Variants in SLC30A7 observed in about 807,000 individuals in gnomAD.
The protein encoded by SLC30A7 is solute carrier family 30 member 7.
Under a neutral mutation model 46.0 loss-of-function variants are expected in SLC30A7, and 35 were observed. The ratio of observed to expected loss-of-function variants is 0.76; its 90% CI spans 0.58 to 1.01. The LOEUF (loss-of-function observed/expected upper bound fraction) is 1.01, where lower values mean the gene tolerates loss of function less well. Ranked by LOEUF, SLC30A7 falls within the 50% of genes least tolerant of loss-of-function variation. SLC30A7 has a pLI of 0.00. For missense variants in SLC30A7, 464 were observed against 451.1 expected (o/e 1.03, Z -0.26); for synonymous variants, 147 against 157.8 (o/e 0.93, Z 0.51).
At chr1:100,952,455 G>T (rs1294995269) in intron 8 of SLC30A7, among the ~76,000 whole-genome samples, 2 of 152,082 alleles carry the variant, frequency 1.3e-5, no homozygotes, top group African/African-American at 4.8e-5. Context: ...GCTAATTCTT[G>T]CCTGCCTTTC....
chr1:100,966,754 C>A (rs1267948256), intron 10 of SLC30A7, among the ~76,000 whole-genome samples: 2 of 152,126 alleles, frequency 1.3e-5, no homozygotes, highest in Admixed American at 1.3e-4. Context: ...CTTTACTGCA[C>A]ATTTCTTATA....
intron 7 of SLC30A7, among the ~76,000 whole-genome samples, chr1:100,920,026 A>G (rs57964088): frequency 0.026 from 3,912 of 152,194 alleles, 167 homozygotes; most frequent in African/African-American, 0.088. Context: ...TTTCTTAAAC[A>G]GTTTATGTAG....
rs553876379 is a variant in SLC30A7, at chr1:100,934,088, G to A, written c.842+12247G>A. Among the ~76,000 whole-genome samples the A allele has an allele frequency of 2.0e-5, 3 of 152,300 alleles. No individual in the cohort carries two copies. In the East Asian group the frequency reaches 5.8e-4, roughly 29 times the overall value. Reference sequence around the variant, plus strand: ...TTGTGCTTGGTGCACAGTAATATTTGTGGAATTTTGGTGACCTAGATTGAG... The same window carrying A: ...TTGTGCTTGGTGCACAGTAATATTTATGGAATTTTGGTGACCTAGATTGAG... On this transcript the variant is annotated intron_variant, in intron 8 of 10. Coordinates refer to ENST00000357650, the MANE Select transcript of SLC30A7 (RefSeq NM_133496.5).
intron 5 of SLC30A7, among the ~76,000 whole-genome samples, chr1:100,913,342 T>C (rs1396996943): frequency 6.6e-6 from 1 of 152,230 alleles, no homozygotes; most frequent in South Asian, 2.1e-4. Flanking sequence ...ATTCCTATAA[T>C]AGAAAATGTT....
intron 6 of SLC30A7, among the ~76,000 whole-genome samples, chr1:100,914,203 A>C (rs1652320046): frequency 6.6e-6 from 1 of 152,216 alleles, no homozygotes; most frequent in Admixed American, 6.5e-5. Context: ...TGTTATAAAC[A>C]ATCCAATTAT....
rs1489889105 is a variant in SLC30A7, at chr1:100,961,844, A to G, written c.859A>G (p.Arg287Gly). ...LIVVSVIPLLRESVGILMQRT... is the reference protein window; with the variant it reads ...LIVVSVIPLLGESVGILMQRT... ...TTTCCTTAGTGTTATTCCTCTTTTA[A>G]GAGAATCTGTTGGAATATTAATGCA... The change falls in exon 9 of 11, where the codon AGA becomes GGA. Residue 287 changes from arginine to glycine, a missense_variant. Physicochemically the swap from Arg to Gly is moderately radical, Grantham distance 125. Transcript: ENST00000357650. 1 of 1,600,914 alleles carries G rather than the reference A, an allele frequency of 6.2e-7. No homozygotes were observed. Among genetic ancestry groups the G allele is most frequent in the African/African-American group, 1.3e-5 (1 of 74,534 alleles).
chr1:100,992,013 A>G, the SLC30A7 span, among the ~76,000 whole-genome samples: 3 of 151,442 alleles, frequency 2.0e-5, no homozygotes, highest in African/African-American at 7.3e-5. Flanking sequence ...TGGGAGGATC[A>G]CTTGAGCCCA....
downstream of SLC30A7, among the ~76,000 whole-genome samples, chr1:100,985,590 A>C (rs942892284): frequency 6.6e-6 from 1 of 152,254 alleles, no homozygotes; most frequent in Admixed American, 6.5e-5. Context: ...ATAGAACAGC[A>C]AGAGTTCAGA....
downstream of SLC30A7, among the ~76,000 whole-genome samples, chr1:100,984,269 G>A (rs1377206666): frequency 6.6e-6 from 1 of 152,156 alleles, no homozygotes; most frequent in Non-Finnish European, 1.5e-5. Flanking sequence ...GCAGAATGCA[G>A]GCCCAGCCAT....
chr1:100,952,221 G>A lies in SLC30A7; in HGVS notation c.843-9607G>A, dbSNP rs144373262. 5.4e-3 allele frequency among the ~76,000 whole-genome samples: 828 copies of A among 152,244 alleles called. 2 individuals are homozygous for A. Among genetic ancestry groups the A allele is most frequent in the African/African-American group, 0.019 (799 of 41,548 alleles). On this transcript the variant is annotated intron_variant, in intron 8 of 10. Transcript: ENST00000357650. ...AAGTCACACACATACATACACACAC[G>A]CACAAATTCACTATATAGCCAGAGT...
intron 8 of SLC30A7, among the ~76,000 whole-genome samples, chr1:100,933,101 G>T (rs959496555): frequency 3.3e-5 from 5 of 150,740 alleles, no homozygotes; most frequent in Admixed American, 6.6e-5. Flanking sequence ...TCAGCCTCCC[G>T]AGTAGCTGGG....
chr1:100,915,875 T>G (rs954733066), intron 6 of SLC30A7, among the ~76,000 whole-genome samples: 1 of 152,156 alleles, frequency 6.6e-6, no homozygotes, highest in Non-Finnish European at 1.5e-5. Context: ...CTGCACCAGT[T>G]TACATTGCCA....
At chr1:100,951,892 A>C (rs894636504) in intron 8 of SLC30A7, among the ~76,000 whole-genome samples, 2 of 152,206 alleles carry the variant, frequency 1.3e-5, no homozygotes, top group African/African-American at 4.8e-5. Context: ...TAAGTTAAAG[A>C]TTTTGAGATG....
chr1:100,913,457 A>ATGCTTTCCTCTATGCTTTCCTCTATG (rs1652264933), intron 5 of SLC30A7, among the ~76,000 whole-genome samples: 1 of 152,186 alleles, frequency 6.6e-6, no homozygotes. Context: ...AAGGTCTATC[A>ATGCTTTCCTCTATGCTTTCCTCTATG]CTTTCCTCTA....
intron 8 of SLC30A7, among the ~76,000 whole-genome samples, chr1:100,951,632 C>T (rs954529224): frequency 3.9e-5 from 6 of 152,184 alleles, no homozygotes; most frequent in South Asian, 2.1e-4. Flanking sequence ...TGCCTTTGTT[C>T]GTGCTGCTCA....
intron 3 of SLC30A7, among the ~76,000 whole-genome samples, chr1:100,907,202 T>C (rs1237529171): frequency 6.6e-6 from 1 of 152,218 alleles, no homozygotes; most frequent in Non-Finnish European, 1.5e-5. Flanking sequence ...GTTGAGATTG[T>C]TACCATATAG....
At chr1:100,982,424 A>G (rs1412981437), downstream of SLC30A7, among the ~76,000 whole-genome samples, 2 of 152,194 alleles carry the variant, frequency 1.3e-5, no homozygotes, top group African/African-American at 2.4e-5. Context: ...CGTCACATTC[A>G]TGGCAGAACT....
chr1:100,993,197 C>T, the SLC30A7 span, among the ~76,000 whole-genome samples: 4 of 152,152 alleles, frequency 2.6e-5, no homozygotes, highest in East Asian at 7.7e-4. Context: ...TGATGGCATA[C>T]GTTTATTTCT....
At chr1:100,991,787 T>TAAAAAAAAAAA in the SLC30A7 span, among the ~76,000 whole-genome samples, 1 of 74,566 alleles carries the variant, frequency 1.3e-5, no homozygotes, top group Non-Finnish European at 2.8e-5. Context: ...AGACCCCATC[T>TAAAAAAAAAAA]CAAAAAAAAA....
Sources: allele counts gnomAD v4.1 joint callset (sites outside exome capture counted in the v4.1 genomes callset), GRCh38; gene constraint gnomAD v4.1.1; transcripts MANE v1.5; gene names NCBI Gene and HGNC (gene_info 2026-07-23, HGNC 2026-07-21).